Variants in POTEE observed in about 807,000 individuals in gnomAD.
POTEE encodes ANKRD26-like family C member 1A.
POTEE carries 21 observed loss-of-function variants against 74.2 expected under a neutral mutation model. That is an observed-to-expected ratio of 0.28 (90% CI 0.20 to 0.41). POTEE has a LOEUF of 0.41. POTEE is among the 10% of genes least tolerant of loss of function. The pLI is 1.00. For missense variants in POTEE, 525 were observed against 1,158.6 expected, an observed-to-expected ratio of 0.45 and a Z score of 7.94; for synonymous variants, 211 against 432.8, an observed-to-expected ratio of 0.49 and a Z score of 6.36.
Position 131,218,576 on chromosome 2 carries a change from G to T in POTEE, c.174G>T (p.Arg58Ser). Residue 58 changes from arginine (R) to serine (S), a missense_variant, in exon 4 of 18, where the codon AGG becomes AGT. By Grantham distance (110) the Arg-to-Ser change is moderately radical. Coordinates refer to ENST00000683005, the MANE Select transcript of POTEE (RefSeq NM_001083538.3). ...ACGACTCTGCTATGAAGACACTCAG[G>T]AGCAAGATGGGCAAGTGGTGCCACC... ...DHDDSAMKTL[R>S]SKMGKWCHHC... The T allele has an allele frequency of 1.1e-5, 18 of 1,612,782 alleles. No homozygotes were observed. The highest frequency in any genetic ancestry group is 1.4e-5 in the Non-Finnish European group (17 of 1,179,770).
Position 131,218,453 on chromosome 2 carries a change from A to G in POTEE, c.51A>G (p.Pro17=), listed in dbSNP as rs763425590. 11 of 1,613,060 alleles carry G rather than the reference A, an allele frequency of 6.8e-6. No homozygotes were observed. The East Asian group carries it at 2.2e-4, about 33-fold the overall frequency. ...SMPAASSVKK[P]FGLRSKMGKW... The stretch of plus-strand genomic sequence containing the variant: ...CGGCTGCCTCTTCTGTGAAGAAGCC[A>G]TTTGGTCTCAGGAGCAAGATGGGCA... The change falls in exon 4 of 18, where the codon CCA becomes CCG. Residue 17 remains proline, a synonymous_variant. Coordinates refer to ENST00000683005, the MANE Select transcript of POTEE (RefSeq NM_001083538.3).
chr2:131,220,197 T>G (rs1008120828), intron 4 of POTEE, among the ~76,000 whole-genome samples: 1 of 151,230 alleles, frequency 6.6e-6, no homozygotes, highest in African/African-American at 2.5e-5. Flanking sequence ...TATATGCAGA[T>G]ATATATTTAT....
chr2:131,214,585 A>G (rs1315962825), intron 2 of POTEE, among the ~76,000 whole-genome samples: 1 of 152,088 alleles, frequency 6.6e-6, no homozygotes, highest in African/African-American at 2.4e-5. Context: ...TCGGCTTAAA[A>G]GAAAATGAAA....
chr2:131,263,842 T>A lies in POTEE; in HGVS notation c.2387T>A (p.Val796Glu). ...WHHTFYNELR[V>E]APEEHPILLT... ...CACACCTTCTACAACGAGCTGCGTG[T>A]GGCTCCCGAGGAGCACCCCATCCTG... Residue 796 changes from valine to glutamate, a missense_variant, in exon 18 of 18, where the codon GTG (valine) becomes GAG (glutamate). Coordinates refer to ENST00000683005, the MANE Select transcript of POTEE (RefSeq NM_001083538.3). 1 of 1,614,150 alleles carries A rather than the reference T, an allele frequency of 6.2e-7. No homozygotes were observed. The highest frequency in any genetic ancestry group is 8.5e-7 in the Non-Finnish European group (1 of 1,180,032).
At chr2:131,216,188 T>C (rs1398914818) in intron 2 of POTEE, among the ~76,000 whole-genome samples, 1 of 151,484 alleles carries the variant, frequency 6.6e-6, no homozygotes, top group Non-Finnish European at 1.5e-5. Context: ...ATGAAAGAAA[T>C]TGAAAGTGAC....
rs778754830 is a variant in POTEE at position 131,263,975 on chromosome 2, G to A, written c.2520G>A (p.Pro840=). ...TGTACGTGGCCATCCAGGCCGTGCC[G>A]TCCCTGTACACCTCTGGCCGTACTA... ...PAMYVAIQAV[P]SLYTSGRTTG... The change falls in exon 18 of 18, where the codon CCG becomes CCA. Residue 840 remains proline (P), a synonymous_variant. Transcript: ENST00000683005. 44 of 1,614,080 alleles carry A rather than the reference G, an allele frequency of 2.7e-5. No individual in the cohort carries two copies. The highest frequency in any genetic ancestry group is 1.8e-4 in the East Asian group (8 of 44,882).
rs1371093904 is a variant in POTEE at position 131,232,616 on chromosome 2, AT to A, written c.1126+1711del. Among the ~76,000 whole-genome samples, 22 of 149,268 alleles carry A rather than the reference AT, an allele frequency of 1.5e-4. No homozygotes were observed. In the East Asian group the frequency reaches 4.2e-3, roughly 29 times the overall value. On this transcript the variant is annotated intron_variant, in intron 9 of 17. Coordinates refer to ENST00000683005, the MANE Select transcript of POTEE (RefSeq NM_001083538.3). ...AATACTATAGAAATGAGTAGGTCTT[AT>A]CCTGTGTGCCATGGGAAATTTACCG... is the stretch of plus-strand genomic sequence containing the variant.
intron 6 of POTEE, 149 bp from the exon 7 acceptor site, chr2:131,226,674 A>C (rs1468977937): frequency 6.3e-6 from 8 of 1,267,994 alleles, no homozygotes; most frequent in Non-Finnish European, 8.6e-6. Flanking sequence ...AGCGTGTGGG[A>C]AAGCACAGAA....
At chr2:131,235,306 A>C (rs1457228899) in intron 9 of POTEE, among the ~76,000 whole-genome samples, 10 of 152,126 alleles carry the variant, frequency 6.6e-5, no homozygotes, top group South Asian at 4.1e-4. Context: ...TGTGAGTAAG[A>C]TGATGCTCAA....
At position 131,264,070 on chromosome 2, in the gene POTEE, CCCATGCCACCCTGCGCCTAG is replaced by C. The variant is rs1179448902; in HGVS notation, c.2616_2635del (p.His873ProfsTer8). ...CCCATCTATGAGGGGAATGCCCTCC[CCCATGCCACCCTGCGCCTAG>C]ACCTGGCTGGGCGGGAACTGCCTGA... On this transcript the variant is annotated frameshift_variant, in exon 18 of 18. Transcript: ENST00000683005. LOFTEE classifies it high-confidence loss of function. The C allele has an allele frequency of 2.5e-6, 4 of 1,614,118 alleles. No individual in the cohort carries two copies. Among genetic ancestry groups the C allele is most frequent in the African/African-American group, 1.3e-5 (1 of 74,952 alleles).
intron 16 of POTEE, among the ~76,000 whole-genome samples, chr2:131,260,207 C>G (rs1701669390): frequency 6.7e-6 from 1 of 149,888 alleles, no homozygotes. Context: ...CACGCTGTTT[C>G]TGTTACTGTG....
Position 131,211,520 on chromosome 2 carries a change from C to CTCTGTGTGTGTGTGTGTGTG in POTEE, c.-189+338_-189+339insCTGTGTGTGTGTGTGTGTGT, listed in dbSNP as rs1553474098. On this transcript the variant is annotated intron_variant, in intron 2 of 17. Coordinates refer to ENST00000683005, the MANE Select transcript of POTEE (RefSeq NM_001083538.3). ...ATTCTTAACAAAATTTAGGGGGTGA[C>CTCTGTGTGTGTGTGTGTGTG]TGTGTGTGTGTGTGTGTGTGGCTTT... 3.6e-4 allele frequency among the ~76,000 whole-genome samples: 18 copies of CTCTGTGTGTGTGTGTGTGTG among 50,276 alleles called. 1 individual carries two copies. The highest frequency in any genetic ancestry group is 1.8e-3 in the South Asian group (2 of 1,136). 33.0% of individuals were successfully genotyped at this position (50,276 alleles called of 152,430 possible).
At position 131,209,603 on chromosome 2, in the gene POTEE, C is replaced by T. The variant is rs148272661; in HGVS notation, c.-561C>T. Among the ~76,000 whole-genome samples the T allele has an allele frequency of 7.8e-3, 1,194 of 152,306 alleles. 8 individuals are homozygous for T. Among genetic ancestry groups the T allele is most frequent in the African/African-American group, 0.027 (1,134 of 41,546 alleles). On this transcript the variant is annotated 5_prime_UTR_variant, in exon 1 of 18. Transcript: ENST00000683005. ...TGCTACCTGTTTCTGGCTGGAGCCT[C>T]GGACACTGGCTCACTGCAGTTGGTG...
chr2:131,210,117 G>T (rs377009999), intron 1 of POTEE, among the ~76,000 whole-genome samples: 376 of 126,396 alleles, frequency 3.0e-3, no homozygotes, highest in African/African-American at 8.5e-3. Flanking sequence ...GGAGTGGTTT[G>T]GGTGGTTATT....
intron 9 of POTEE, among the ~76,000 whole-genome samples, chr2:131,235,686 G>A (rs928197990): frequency 6.6e-6 from 1 of 150,682 alleles, no homozygotes. Flanking sequence ...CAGCTTCTCC[G>A]GAGACTGAGA....
In POTEE at chr2:131,252,938, C is replaced by A; in HGVS notation, c.1617C>A (p.Ile539=). The change falls in exon 16 of 18, where the codon ATC becomes ATA. Residue 539 remains isoleucine (I), a synonymous_variant. Coordinates refer to ENST00000683005, the MANE Select transcript of POTEE (RefSeq NM_001083538.3). ...TCCAGCTAGAAAATTTTATGGCTAT[C>A]GAAGAAATGAAGAAGCACGGAAGTA... is the stretch of plus-strand genomic sequence containing the variant. ...GDRELENFMA[I]EEMKKHGSTH... The A allele has an allele frequency of 1.2e-6, 2 of 1,613,364 alleles. No individual in the cohort carries two copies. The highest frequency in any genetic ancestry group is 2.2e-5 in the South Asian group (2 of 91,030).
rs1223953994 is a variant in POTEE, at chr2:131,218,501, C to G, written c.99C>G (p.Pro33=). ...GCAAGTGGTGCTGCCGTTGCTTCCC[C>G]TGCTACAGGGAGAGCGGCAAGAGCA... The part of the protein sequence containing the change: ...KMGKWCCRCF[P]CYRESGKSNV... Residue 33 remains proline (P), a synonymous_variant, in exon 4 of 18, where the codon CCC becomes CCG. Coordinates refer to ENST00000683005, the MANE Select transcript of POTEE (RefSeq NM_001083538.3). 6.2e-7 allele frequency: 1 copy of G among 1,612,642 alleles called. No homozygotes were observed. The highest frequency in any genetic ancestry group is 1.4e-5 in the African/African-American group (1 of 73,824).
chr2:131,217,685 C>G lies in POTEE; in HGVS notation c.-94+2C>G, dbSNP rs557219981. On this transcript the variant is annotated splice_donor_variant, in intron 3 of 17. Coordinates refer to ENST00000683005, the MANE Select transcript of POTEE (RefSeq NM_001083538.3). LOFTEE classifies it low-confidence loss of function (5UTR_SPLICE). ...TTCGTGGCGCCAAGACTTAAGCAGG[C>G]GCGTTGCATGCATCGGCCAGTGTCT... Among the ~76,000 whole-genome samples the G allele has an allele frequency of 6.0e-5, 9 of 150,322 alleles. No homozygotes were observed. The highest frequency in any genetic ancestry group is 3.4e-3 in the Middle Eastern group (1 of 290).
At chr2:131,224,810 C>T (rs1176897282) in intron 6 of POTEE, among the ~76,000 whole-genome samples, 1 of 151,454 alleles carries the variant, frequency 6.6e-6, no homozygotes, top group Non-Finnish European at 1.5e-5. Context: ...AAGAGGAAAC[C>T]CTTGAGCAGA....
Sources: allele counts gnomAD v4.1 joint callset (sites outside exome capture counted in the v4.1 genomes callset), GRCh38; gene constraint gnomAD v4.1.1; transcripts MANE v1.5; gene names NCBI Gene and HGNC (gene_info 2026-07-23, HGNC 2026-07-21).